The following TPRG1 variants were observed in gnomAD, a reference collection of about 807,000 sequenced individuals.
The protein encoded by TPRG1 is tumor protein p63 regulated 1.
TPRG1 carries 29 observed loss-of-function variants against 29.3 expected under a neutral mutation model. The ratio of observed to expected loss-of-function variants is 0.99; its 90% confidence interval spans 0.74 to 1.35. The LOEUF (loss-of-function observed/expected upper bound fraction) is 1.35, where lower values mean the gene tolerates loss of function less well. Ranked by LOEUF, TPRG1 falls within the 40% of genes most tolerant of loss-of-function variation. The pLI is 0.00. For missense variants in TPRG1, 327 were observed against 335.0 expected (o/e 0.98, Z 0.19); for synonymous variants, 130 against 116.8 (o/e 1.11, Z -0.73).
chr3:189,180,190 G>A (rs1385227412), intron 1 of TPRG1, among the ~76,000 whole-genome samples: 1 of 152,130 alleles, frequency 6.6e-6, no homozygotes, highest in African/African-American at 2.4e-5. Flanking sequence ...CCCATAGCAT[G>A]TGGGAATTCA....
At chr3:189,038,725 T>G (rs1714441876) in intron 4 of TPRG1, among the ~76,000 whole-genome samples, 1 of 150,010 alleles carries the variant, frequency 6.7e-6, no homozygotes, top group African/African-American at 2.5e-5. Context: ...CATTTAAAAC[T>G]GACAAGGGAT....
chr3:189,135,008 G>C (rs1163050175), intron 3 of TPRG1, among the ~76,000 whole-genome samples: 1 of 152,186 alleles, frequency 6.6e-6, no homozygotes, highest in Non-Finnish European at 1.5e-5. Flanking sequence ...TCCCTGAAAA[G>C]TTTTACTGGT....
chr3:189,191,029 GC>G, intron 1 of TPRG1: 5 of 981,170 alleles, frequency 5.1e-6, no homozygotes, highest in Non-Finnish European at 6.1e-6. Flanking sequence ...GTCTATTCTG[GC>G]TAATTTTGGT....
At chr3:189,065,851 A>G (rs1257801889) in intron 4 of TPRG1, among the ~76,000 whole-genome samples, 1 of 152,146 alleles carries the variant, frequency 6.6e-6, no homozygotes, top group African/African-American at 2.4e-5. Flanking sequence ...ATTGGAAAGG[A>G]AGGAATAAAA....
chr3:189,210,667 C>T (rs116035618), intron 2 of TPRG1, among the ~76,000 whole-genome samples: 5 of 152,088 alleles, frequency 3.3e-5, no homozygotes, highest in Admixed American at 1.3e-4. Context: ...ACATTTTGAG[C>T]GTGAGTGAGC....
intron 4 of TPRG1, among the ~76,000 whole-genome samples, chr3:189,036,231 G>A (rs1016946145): frequency 5.9e-5 from 9 of 152,080 alleles, no homozygotes; most frequent in African/African-American, 2.2e-4. Flanking sequence ...CAGACACAAA[G>A]ATGGGAACAA....
intron 1 of TPRG1, among the ~76,000 whole-genome samples, chr3:189,206,829 G>A (rs1056815654): frequency 1.3e-5 from 2 of 151,494 alleles, no homozygotes. Flanking sequence ...GTGTGTGTGT[G>A]CACGCGTGTA....
At chr3:189,127,905 ATGT>A (rs2108523105) in intron 2 of TPRG1, among the ~76,000 whole-genome samples, 1 of 152,266 alleles carries the variant, frequency 6.6e-6, no homozygotes, top group South Asian at 2.1e-4. Flanking sequence ...ATATGTAAAA[ATGT>A]TGTGTTCAAA....
chr3:189,302,163 G>T (rs1041573366), intron 4 of TPRG1, among the ~76,000 whole-genome samples: 1 of 152,072 alleles, frequency 6.6e-6, no homozygotes, highest in African/African-American at 2.4e-5. Flanking sequence ...CAGCTAAAAG[G>T]CCCCATAGTT....
At chr3:189,054,682 CTGAG>C (rs950545495) in intron 4 of TPRG1, among the ~76,000 whole-genome samples, 23 of 151,930 alleles carry the variant, frequency 1.5e-4, no homozygotes, top group Admixed American at 4.6e-4. Context: ...ACTGGGGAGG[CTGAG>C]TGAGAGGATC....
chr3:189,316,486 A>G (rs1021315067), intron 5 of TPRG1, among the ~76,000 whole-genome samples: 1 of 152,192 alleles, frequency 6.6e-6, no homozygotes, highest in Non-Finnish European at 1.5e-5. Flanking sequence ...GCCTACAGGC[A>G]TGAAACCTGG....
intron 5 of TPRG1, 135 bp from the exon 6 acceptor site, chr3:189,320,491 A>G: frequency 1.6e-6 from 1 of 642,586 alleles, no homozygotes; most frequent in African/African-American, 1.9e-5. Flanking sequence ...AAATTTAACC[A>G]TTTATGTTTA....
intron 4 of TPRG1, among the ~76,000 whole-genome samples, chr3:189,245,109 A>G (rs984527856): frequency 3.3e-5 from 5 of 152,004 alleles, no homozygotes; most frequent in Non-Finnish European, 7.4e-5. Flanking sequence ...TTTAGTAGAG[A>G]TGGAGTTTCT....
chr3:189,257,192 C>T (rs1281811033), intron 4 of TPRG1, among the ~76,000 whole-genome samples: 2 of 152,194 alleles, frequency 1.3e-5, no homozygotes, highest in Non-Finnish European at 2.9e-5. Flanking sequence ...TCTTGTAAGG[C>T]AGTTCTAGTG....
intron 2 of TPRG1, among the ~76,000 whole-genome samples, chr3:189,127,520 T>G (rs1242160494): frequency 6.6e-6 from 1 of 152,206 alleles, no homozygotes; most frequent in South Asian, 2.1e-4. Flanking sequence ...ATTTTGAAAG[T>G]CACGTTTGCT....
At chr3:189,056,085 C>CTTCCTTCCTTCT (rs1715672693) in intron 4 of TPRG1, among the ~76,000 whole-genome samples, 1 of 132,998 alleles carries the variant, frequency 7.5e-6, no homozygotes, top group Non-Finnish European at 1.6e-5. Context: ...TCCTTCCTTC[C>CTTCCTTCCTTCT]TTCCTTCCTT....
chr3:189,135,515 A>T (rs996489625), intron 3 of TPRG1, among the ~76,000 whole-genome samples: 1 of 152,106 alleles, frequency 6.6e-6, no homozygotes, highest in Admixed American at 6.5e-5. Context: ...TTAGCAACTT[A>T]TGCTCCCCCT....
chr3:189,015,146 T>C (rs1224332267), intron 3 of TPRG1, among the ~76,000 whole-genome samples: 4 of 152,176 alleles, frequency 2.6e-5, no homozygotes, highest in Non-Finnish European at 1.5e-5. Context: ...GAAGAACTTA[T>C]TGGGAACTGG....
intron 4 of TPRG1, among the ~76,000 whole-genome samples, chr3:189,045,868 G>A (rs901146512): frequency 6.6e-6 from 1 of 152,212 alleles, no homozygotes; most frequent in Non-Finnish European, 1.5e-5. Context: ...CATTTGGGCA[G>A]CTATGGTCTA....
Sources: gnomAD v4.1 joint callset for allele counts (sites outside exome capture counted in the v4.1 genomes callset) on GRCh38, gnomAD v4.1.1 for gene constraint, MANE v1.5 for transcripts, NCBI Gene and HGNC (gene_info 2026-07-23, HGNC 2026-07-21) for gene names.